The following CACNA1B variants were observed in gnomAD, a reference collection of about 807,000 sequenced individuals.
CACNA1B encodes the protein calcium voltage-gated channel subunit alpha1 B.
A neutral mutation model predicts 247.2 loss-of-function variants in CACNA1B; 70 were observed. That is an observed-to-expected ratio of 0.28 (90% CI 0.23 to 0.35). The LOEUF (loss-of-function observed/expected upper bound fraction) is 0.35, where lower values mean the gene tolerates loss of function less well. CACNA1B is among the 10% of genes least tolerant of loss of function. The probability of loss-of-function intolerance (pLI) is 1.00; values close to 1 mark genes in which losing one functional copy is unlikely to be tolerated. For synonymous variants in CACNA1B, 1,231 were observed against 1,294.4 expected, an observed-to-expected ratio of 0.95 and a Z score of 1.05; for missense variants, 2,367 against 3,197.4, an observed-to-expected ratio of 0.74 and a Z score of 6.26.
chr9:138,098,199 AAT>A (rs1589126773), intron 37 of CACNA1B, among the ~76,000 whole-genome samples: 1 of 152,244 alleles, frequency 6.6e-6, no homozygotes, highest in Non-Finnish European at 1.5e-5. Flanking sequence ...CCGATGCAGC[AAT>A]ATGTTTGCCC....
chr9:138,045,385 G>A (rs1281153681), intron 21 of CACNA1B, among the ~76,000 whole-genome samples: 1 of 152,204 alleles, frequency 6.6e-6, no homozygotes, highest in East Asian at 1.9e-4. Flanking sequence ...GTTTCAGGCA[G>A]AGAGAGTGGT....
intron 7 of CACNA1B, among the ~76,000 whole-genome samples, chr9:137,953,730 G>A (rs1288230038): frequency 6.6e-6 from 1 of 152,172 alleles, no homozygotes; most frequent in South Asian, 2.1e-4. Flanking sequence ...AGAACAGCTG[G>A]GGTGGAGGCA....
At chr9:137,966,692 C>T (rs1372483862) in intron 10 of CACNA1B, among the ~76,000 whole-genome samples, 1 of 151,968 alleles carries the variant, frequency 6.6e-6, no homozygotes, top group Middle Eastern at 3.4e-3. Context: ...GCACGTGCCA[C>T]CACGCCCAGC....
At chr9:137,978,043 C>T (rs1392490549) in intron 12 of CACNA1B, among the ~76,000 whole-genome samples, 10 of 124,780 alleles carry the variant, frequency 8.0e-5, no homozygotes, top group Middle Eastern at 7.6e-3. Context: ...AGGGTGGGAG[C>T]ACTACCCTCC....
At position 137,881,072 on chromosome 9, in the gene CACNA1B, G is replaced by A. The variant is rs149701911; in HGVS notation, c.391-1672G>A. Among the ~76,000 whole-genome samples the A allele has an allele frequency of 3.3e-5, 5 of 152,348 alleles. No individual in the cohort carries two copies. The highest frequency in any genetic ancestry group is 3.9e-4 in the East Asian group (2 of 5,190). ...GGGCTCCTTCCCAGCTGAGGGTGCT[G>A]GCTGGTCCTTCCTAGGCGTCGGGCC... is the stretch of plus-strand genomic sequence containing the variant. On this transcript the variant is annotated intron_variant, in intron 2 of 46. Transcript: ENST00000371372. This position sits in a 1 kb window ranked among gnomAD's most constrained non-coding sequence, Gnocchi z 4.3.
At chr9:138,048,457 G>A (rs1415364502) in intron 23 of CACNA1B, among the ~76,000 whole-genome samples, 6 of 152,154 alleles carry the variant, frequency 3.9e-5, no homozygotes, top group East Asian at 1.9e-4. Flanking sequence ...GATCTCAGCC[G>A]GTCACAAGCC....
intron 39 of CACNA1B, among the ~76,000 whole-genome samples, chr9:138,112,176 T>C (rs1017859306): frequency 2.0e-5 from 3 of 152,040 alleles, no homozygotes; most frequent in African/African-American, 7.2e-5. Flanking sequence ...GTTGCCCTGC[T>C]CACCTGCCTC....
chr9:137,961,144 T>A (rs544649632), intron 10 of CACNA1B, among the ~76,000 whole-genome samples: 1 of 152,352 alleles, frequency 6.6e-6, no homozygotes, highest in South Asian at 2.1e-4. Flanking sequence ...ATTTTATTTT[T>A]ATTTTTTTGT....
intron 39 of CACNA1B, among the ~76,000 whole-genome samples, chr9:138,112,135 ACGT>A (rs1019065964): frequency 6.6e-5 from 10 of 152,040 alleles, no homozygotes; most frequent in South Asian, 2.1e-4. Context: ...GCATGCACAC[ACGT>A]CGGACACACA....
In CACNA1B at chr9:138,073,631, T is replaced by A; in HGVS notation, c.4791+27T>A. 1 of 1,278,010 alleles carries A rather than the reference T, an allele frequency of 7.8e-7. No homozygotes were observed. The allele number at this position is 1,278,010 out of a possible 1,614,324, so 79.2% of individuals were successfully genotyped here. A position where few individuals can be genotyped will look rare whatever the true frequency, so the allele number is the denominator to read the frequency against. ...TGGGCCAGGCGGGGGGCCTCCATGC[T>A]TTCTGTCCCCTTCCTCCGTCTTGCT... On this transcript the variant is annotated intron_variant, in intron 33 of 46. Transcript: ENST00000371372. The surrounding 1 kb of genome is among the most constrained non-coding windows in gnomAD (Gnocchi z 6.4).
At chr9:138,024,270 G>A (rs1371647945) in intron 19 of CACNA1B, among the ~76,000 whole-genome samples, 1 of 152,196 alleles carries the variant, frequency 6.6e-6, no homozygotes. Context: ...GTGTGACCAT[G>A]ACAGAAAGAA....
intron 38 of CACNA1B, among the ~76,000 whole-genome samples, chr9:138,104,066 C>G (rs1343269110): frequency 6.6e-6 from 1 of 152,252 alleles, no homozygotes; most frequent in Non-Finnish European, 1.5e-5. Context: ...GAGCCCCACC[C>G]AGCTGTGCTG....
chr9:137,917,124 G>C lies in CACNA1B; in HGVS notation c.776-117G>C. 2 of 851,714 alleles carry C rather than the reference G, an allele frequency of 2.3e-6. No homozygotes were observed. The highest frequency in any genetic ancestry group is 1.7e-5 in the South Asian group (1 of 57,300). The allele number at this position is 851,714 out of a possible 1,614,324, so 52.8% of individuals were successfully genotyped here. ...GGTGGGAAGTTGAGGGAGAGTTTCT[G>C]TTGGTGGCTGGTTCCTGCCCACCTG... On this transcript the variant is annotated intron_variant, in intron 5 of 46. Transcript: ENST00000371372. The surrounding 1 kb of genome is among the most constrained non-coding windows in gnomAD (Gnocchi z 5.5).
chr9:137,914,878 C>G lies in CACNA1B; in HGVS notation c.775+72C>G. On this transcript the variant is annotated intron_variant, in intron 5 of 46. Coordinates refer to ENST00000371372, the MANE Select transcript of CACNA1B (RefSeq NM_000718.4). The surrounding 1 kb of genome is among the most constrained non-coding windows in gnomAD (Gnocchi z 4.3). ...GTTCATCCAGGAGATGGGCACTGTT[C>G]TAGGTGCTAGAGGGGCCTTCTTGGT... 1 of 1,547,818 alleles carries G rather than the reference C, an allele frequency of 6.5e-7. No homozygotes were observed. Among genetic ancestry groups the G allele is most frequent in the Non-Finnish European group, 8.8e-7 (1 of 1,141,628 alleles).
Position 138,100,776 on chromosome 9 carries a change from G to A in CACNA1B, c.5223-1935G>A, listed in dbSNP as rs1173703624. Reference sequence around the variant, plus strand: ...TGCTGTGGTGGTGAGAAAGCCAGGCGTCAGAGGGTTTGGCTGACCTGGGAG... The same window carrying A: ...TGCTGTGGTGGTGAGAAAGCCAGGCATCAGAGGGTTTGGCTGACCTGGGAG... On this transcript the variant is annotated intron_variant, in intron 37 of 46. Coordinates refer to ENST00000371372, the MANE Select transcript of CACNA1B (RefSeq NM_000718.4). This position sits in a 1 kb window ranked among gnomAD's most constrained non-coding sequence, Gnocchi z 4.6. Among the ~76,000 whole-genome samples, 3 of 152,132 alleles carry A rather than the reference G, an allele frequency of 2.0e-5. No individual in the cohort carries two copies. Among genetic ancestry groups the A allele is most frequent in the East Asian group, 1.9e-4 (1 of 5,178 alleles).
chr9:137,945,813 A>G (rs1957789293), intron 6 of CACNA1B, among the ~76,000 whole-genome samples: 1 of 152,148 alleles, frequency 6.6e-6, no homozygotes, highest in Admixed American at 6.5e-5. Context: ...CTTGTCCTAA[A>G]CATCCCTATT....
At chr9:137,884,820 C>T (rs58179384) in intron 3 of CACNA1B, among the ~76,000 whole-genome samples, 44,056 of 151,112 alleles carry the variant, frequency 0.29, 6,876 homozygotes, top group East Asian at 0.39. Flanking sequence ...TGGGCAGGAC[C>T]CCTGGATCTC....
At position 138,012,894 on chromosome 9, in the gene CACNA1B, C is replaced by T. The variant is rs958905217; in HGVS notation, c.2161-235C>T. On this transcript the variant is annotated intron_variant, in intron 17 of 46. Transcript: ENST00000371372. This position sits in a 1 kb window ranked among gnomAD's most constrained non-coding sequence, Gnocchi z 4.2. Reference sequence around the variant, plus strand: ...AGGAAGGAATCCTAGTGACCATTACCTTTGAGTCACAGACACAGAAGGGAA... The same window carrying T: ...AGGAAGGAATCCTAGTGACCATTACTTTTGAGTCACAGACACAGAAGGGAA... 1.3e-5 allele frequency among the ~76,000 whole-genome samples: 2 copies of T among 151,980 alleles called. No homozygotes were observed. Among genetic ancestry groups the T allele is most frequent in the African/African-American group, 4.8e-5 (2 of 41,386 alleles).
intron 36 of CACNA1B, among the ~76,000 whole-genome samples, chr9:138,088,813 G>C (rs1960784717): frequency 6.6e-6 from 1 of 150,840 alleles, no homozygotes; most frequent in South Asian, 2.1e-4. Flanking sequence ...AAAAAAATTA[G>C]CCAGGCGTGG....
Sources: gnomAD v4.1 joint callset for allele counts (sites outside exome capture counted in the v4.1 genomes callset) on GRCh38, gnomAD v4.1.1 for gene constraint, Gnocchi (gnomAD v3.1) non-coding constraint, MANE v1.5 for transcripts, NCBI Gene and HGNC (gene_info 2026-07-23, HGNC 2026-07-21) for gene names.